Variants in TBC1D9 observed in about 807,000 individuals in gnomAD.
TBC1D9 encodes the protein TBC1 domain family member 9A.
TBC1D9 carries 63 observed loss-of-function variants against 132.0 expected under a neutral mutation model. The observed-to-expected ratio is 0.48, with a 90% CI of 0.39 to 0.59. The LOEUF (loss-of-function observed/expected upper bound fraction) is 0.59. Among genes scored for constraint, TBC1D9 ranks in the 20% least tolerant of loss-of-function variants. The pLI is 0.00. For missense variants in TBC1D9, 1,261 were observed against 1,592.7 expected, an observed-to-expected ratio of 0.79 and a Z score of 3.54; for synonymous variants, 610 against 609.9, an observed-to-expected ratio of 1.00 and a Z score of 0.00.
In TBC1D9 at chr4:140,684,570, T is replaced by C. The variant is rs529077713; in HGVS notation, c.360+1774A>G. 3.7e-4 allele frequency among the ~76,000 whole-genome samples: 57 copies of C among 152,160 alleles called. No homozygotes were observed. In the Middle Eastern group the frequency reaches 0.014, roughly 36 times the overall value. ...AAAGGAAAATGGCTGTTTGACATAA[T>C]TGGTCTTTGTTTGTTTTACTTATTT... On this transcript the variant is annotated intron_variant, in intron 3 of 20. Coordinates refer to ENST00000442267, the MANE Select transcript of TBC1D9 (RefSeq NM_015130.3).
intron 6 of TBC1D9, among the ~76,000 whole-genome samples, chr4:140,675,209 C>T (rs552226599): frequency 2.1e-5 from 3 of 142,472 alleles, no homozygotes; most frequent in African/African-American, 5.3e-5. Context: ...GGAACTAGGG[C>T]GGACTTTTCT....
At position 140,756,031 on chromosome 4, in the gene TBC1D9, C is replaced by A; in HGVS notation, c.15G>T (p.Pro5=). 1 of 1,608,412 alleles carries A rather than the reference C, an allele frequency of 6.2e-7. No individual in the cohort carries two copies. Among genetic ancestry groups the A allele is most frequent in the Admixed American group, 1.7e-5 (1 of 59,762 alleles). The change falls in exon 1 of 21, where the codon CCG becomes CCT. Residue 5 remains proline (P), a synonymous_variant. Transcript: ENST00000442267. This position sits in a 1 kb window ranked among gnomAD's most constrained non-coding sequence, Gnocchi z 5.6. MWVN[P]EEVLLANALW... ...GCGCGTTGGCCAGCAACACCTCCTC[C>A]GGGTTCACCCACATGGTCCTGGCTG...
At chr4:140,635,517 A>G (rs562248774) in intron 15 of TBC1D9, among the ~76,000 whole-genome samples, 2 of 152,258 alleles carry the variant, frequency 1.3e-5, no homozygotes, top group African/African-American at 4.8e-5. Context: ...AAGAAAAATT[A>G]CTTTTGAAAA....
At chr4:140,721,736 A>G (rs979862664) in intron 1 of TBC1D9, among the ~76,000 whole-genome samples, 2 of 152,186 alleles carry the variant, frequency 1.3e-5, no homozygotes, top group Non-Finnish European at 2.9e-5. Flanking sequence ...AACTTCTGGA[A>G]TGTTGATAGA....
chr4:140,676,733 T>C lies in TBC1D9; in HGVS notation c.1059+161A>G, dbSNP rs149434199. 5.9e-3 allele frequency among the ~76,000 whole-genome samples: 891 copies of C among 152,066 alleles called. 8 individuals carry two copies. Among genetic ancestry groups the C allele is most frequent in the African/African-American group, 0.02 (847 of 41,482 alleles). On this transcript the variant is annotated intron_variant, in intron 6 of 20. Transcript: ENST00000442267. ...AGAAGAGATCTCACAGGTCCCAGAG[T>C]CACAGCAGTGACAACAAATGAAAGA... is the stretch of plus-strand genomic sequence containing the variant.
chr4:140,643,325 C>G (rs1737041056), intron 13 of TBC1D9: 3 of 1,345,944 alleles, frequency 2.2e-6, no homozygotes. Context: ...CGGCAGCTTC[C>G]TGCTTCTCCA....
chr4:140,686,223 T>C (rs1207013936), intron 3 of TBC1D9, 121 bp downstream of exon 3: 1 of 605,846 alleles, frequency 1.7e-6, no homozygotes, highest in East Asian at 2.9e-5. Flanking sequence ...TGCAGTAAAA[T>C]GTTAACAGGT....
chr4:140,712,774 T>TAGATAGAC (rs1388637663), intron 1 of TBC1D9, among the ~76,000 whole-genome samples: 1 of 151,404 alleles, frequency 6.6e-6, no homozygotes, highest in East Asian at 2.0e-4. Context: ...GATAGATAGA[T>TAGATAGAC]AGATAGATAG....
At chr4:140,742,888 CAGGAGGAGG>C (rs78912702) in intron 1 of TBC1D9, among the ~76,000 whole-genome samples, 4 of 150,274 alleles carry the variant, frequency 2.7e-5, no homozygotes, top group Non-Finnish European at 5.9e-5. Flanking sequence ...AGAGGAGGAG[CAGGAGGAGG>C]AGGAGGAGGA....
At chr4:140,636,666 C>T (rs954096054) in intron 15 of TBC1D9, among the ~76,000 whole-genome samples, 2 of 152,160 alleles carry the variant, frequency 1.3e-5, no homozygotes, top group Non-Finnish European at 2.9e-5. Context: ...CCTGGGATTA[C>T]AGATGTGAGC....
chr4:140,637,623 CATT>C (rs1228261651), intron 15 of TBC1D9, among the ~76,000 whole-genome samples: 11 of 152,242 alleles, frequency 7.2e-5, no homozygotes, highest in Non-Finnish European at 1.3e-4. Flanking sequence ...TGAATTGCAT[CATT>C]GTTTTCTCCT....
intron 2 of TBC1D9, among the ~76,000 whole-genome samples, chr4:140,697,927 C>T (rs1737999918): frequency 6.6e-6 from 1 of 152,138 alleles, no homozygotes; most frequent in Non-Finnish European, 1.5e-5. Context: ...GCTCTGAAGA[C>T]CTGCTGCCTG....
At chr4:140,740,208 G>C (rs1027068986) in intron 1 of TBC1D9, among the ~76,000 whole-genome samples, 8 of 152,170 alleles carry the variant, frequency 5.3e-5, no homozygotes, top group Non-Finnish European at 1.0e-4. Context: ...CAAATGAATA[G>C]CTGTTCCTAA....
At chr4:140,669,585 G>A in intron 8 of TBC1D9, 49 bp downstream of exon 8, 1 of 1,551,770 alleles carries the variant, frequency 6.4e-7, no homozygotes, top group South Asian at 1.2e-5. Context: ...TATTGTTAAT[G>A]GCATTGTTCA....
At chr4:140,749,823 CATAAGA>C (rs1738894291) in intron 1 of TBC1D9, among the ~76,000 whole-genome samples, 1 of 151,940 alleles carries the variant, frequency 6.6e-6, no homozygotes, top group Non-Finnish European at 1.5e-5. Flanking sequence ...CTATTCTAAC[CATAAGA>C]ATGAGACAAA....
chr4:140,732,222 A>G (rs1006670309), intron 1 of TBC1D9, among the ~76,000 whole-genome samples: 1 of 152,222 alleles, frequency 6.6e-6, no homozygotes, highest in Admixed American at 6.5e-5. Context: ...AATTTATTAA[A>G]TGGGAATGAG....
rs527613318 is a variant in TBC1D9, at chr4:140,671,780, T to C, written c.1060-854A>G. On this transcript the variant is annotated intron_variant, in intron 6 of 20. Coordinates refer to ENST00000442267, the MANE Select transcript of TBC1D9 (RefSeq NM_015130.3). ...GAAGACATATACGGGTGATTTATAA[T>C]AGGATTTTCATCAACTAGAAACTAG... is the stretch of plus-strand genomic sequence containing the variant. Among the ~76,000 whole-genome samples the C allele has an allele frequency of 1.4e-3, 218 of 151,842 alleles. 2 individuals are homozygous for C. Among genetic ancestry groups the C allele is most frequent in the African/African-American group, 5.0e-3 (207 of 41,354 alleles).
chr4:140,733,290 TTA>T (rs1356404946), intron 1 of TBC1D9, among the ~76,000 whole-genome samples: 1 of 151,738 alleles, frequency 6.6e-6, no homozygotes, highest in African/African-American at 2.4e-5. Flanking sequence ...TTGAAAATAA[TTA>T]TGTGATTTTT....
intron 9 of TBC1D9, among the ~76,000 whole-genome samples, chr4:140,667,920 T>A (rs1427304486): frequency 6.6e-6 from 1 of 152,222 alleles, no homozygotes; most frequent in Non-Finnish European, 1.5e-5. Context: ...TAGGTTTTTT[T>A]AAAGGCTTTC....
Sources: gnomAD v4.1 joint callset for allele counts (sites outside exome capture counted in the v4.1 genomes callset) on GRCh38, gnomAD v4.1.1 for gene constraint, Gnocchi (gnomAD v3.1) non-coding constraint, MANE v1.5 for transcripts, NCBI Gene and HGNC (gene_info 2026-07-23, HGNC 2026-07-21) for gene names.